The following WDR26 variants were observed in gnomAD, a reference collection of about 807,000 sequenced individuals.
The protein encoded by WDR26 is WD repeat domain 26.
A neutral mutation model predicts 84.1 loss-of-function variants in WDR26; 5 were observed. The observed-to-expected ratio is 0.06, with a 90% confidence interval of 0.03 to 0.13. The LOEUF (loss-of-function observed/expected upper bound fraction) is 0.13, where lower values mean the gene tolerates loss of function less well. Among genes scored for constraint, WDR26 ranks in the 10% least tolerant of loss-of-function variants. The pLI is 1.00. For missense variants in WDR26, 642 were observed against 974.9 expected (o/e 0.66, Z 4.55); for synonymous variants, 415 against 389.6 (o/e 1.07, Z -0.77).
chr1:224,416,351 C>T (rs962936823), intron 6 of WDR26, among the ~76,000 whole-genome samples: 1 of 152,046 alleles, frequency 6.6e-6, no homozygotes, highest in African/African-American at 2.4e-5. Context: ...CCTCAGCCTC[C>T]CGAGTAGCTG....
At chr1:224,394,168 T>C (rs1345415999) in intron 12 of WDR26, among the ~76,000 whole-genome samples, 155 bp from the exon 13 acceptor site, 1 of 152,170 alleles carries the variant, frequency 6.6e-6, no homozygotes, top group African/African-American at 2.4e-5. Context: ...TATGAAAAAA[T>C]GTTTAAATCA....
Position 224,389,440 on chromosome 1 carries a change from T to G in WDR26, c.*395A>C. On this transcript the variant is annotated 3_prime_UTR_variant, in exon 14 of 14. Coordinates refer to ENST00000414423, the MANE Select transcript of WDR26 (RefSeq NM_001379403.1). ...CTAATGCACTCTTTCTATCAAGCCT[T>G]CTAAACTGTTAAATAAAGTTTTCCA... is the stretch of plus-strand genomic sequence containing the variant. The G allele has an allele frequency of 2.2e-6, 1 of 453,202 alleles. No homozygotes were observed. Among genetic ancestry groups the G allele is most frequent in the Non-Finnish European group, 3.8e-6 (1 of 260,942 alleles). The allele number at this position is 453,202 out of a possible 1,614,324, so 28.1% of individuals were successfully genotyped here.
intron 5 of WDR26, 136 bp from the exon 6 acceptor site, chr1:224,418,552 T>C: frequency 1.4e-6 from 1 of 737,190 alleles, no homozygotes. Flanking sequence ...TTCTGCGTTA[T>C]GCGATACGTG....
chr1:224,399,095 GAACCA>G (rs2102891706), intron 9 of WDR26, 61 bp from the exon 10 acceptor site: 2 of 1,384,642 alleles, frequency 1.4e-6, no homozygotes, highest in East Asian at 5.4e-5. Context: ...AGCAAATAAA[GAACCA>G]AAAGACTCCC....
At chr1:224,397,819 A>G in intron 12 of WDR26, 1 of 350,676 alleles carries the variant, frequency 2.9e-6, no homozygotes. Flanking sequence ...ACACACTGCT[A>G]CGTGGTCAGA....
intron 13 of WDR26, among the ~76,000 whole-genome samples, chr1:224,391,363 C>CAAAA (rs869213487): frequency 2.2e-5 from 2 of 89,122 alleles, no homozygotes; most frequent in East Asian, 3.3e-4. Flanking sequence ...AACTCTGTCT[C>CAAAA]AAAAAAAAAA....
intron 8 of WDR26, among the ~76,000 whole-genome samples, chr1:224,403,374 A>C (rs977862764): frequency 6.6e-6 from 1 of 152,226 alleles, no homozygotes; most frequent in African/African-American, 2.4e-5. Flanking sequence ...CTATGCATGT[A>C]TGTACAAACA....
At chr1:224,429,776 C>T (rs1350100490) in intron 3 of WDR26, 2 of 152,184 alleles carry the variant, frequency 1.3e-5, no homozygotes, top group African/African-American at 2.4e-5. Flanking sequence ...TCTATAACTA[C>T]CTTTCTTCAG....
Position 224,434,474 on chromosome 1 carries a change from GGCCGGGGA to G in WDR26, c.-77_-70del. On this transcript the variant is annotated 5_prime_UTR_variant, in exon 1 of 14. Transcript: ENST00000414423. ...CCGGGGAGAGGGTCGGGGTGAGGGG[GGCCGGGGA>G]GGCGGGGAGGGGGTCAGGGTAGGAG... 1 of 428,258 alleles carries G rather than the reference GGCCGGGGA, an allele frequency of 2.3e-6. No individual in the cohort carries two copies. Among genetic ancestry groups the G allele is most frequent in the Non-Finnish European group, 3.0e-6 (1 of 332,384 alleles). The allele number at this position is 428,258 out of a possible 1,614,324, so 26.5% of individuals were successfully genotyped here.
At position 224,431,575 on chromosome 1, in the gene WDR26, T is replaced by G. The variant is rs1382884065; in HGVS notation, c.829A>C (p.Asn277His). The G allele has an allele frequency of 6.2e-7, 1 of 1,613,076 alleles. No individual in the cohort carries two copies. Among genetic ancestry groups the G allele is most frequent in the Non-Finnish European group, 8.5e-7 (1 of 1,179,446 alleles). ...AAAGGCTTTAGTTCATTCAGGTCAT[T>G]TTCTGCCTGTAAAAATTGGTATAAA... The change falls in exon 3 of 14, where the codon AAT (asparagine) becomes CAT (histidine). Residue 277 changes from asparagine to histidine, a missense_variant. Physicochemically the swap from Asn to His is moderately conservative, Grantham distance 68. Coordinates refer to ENST00000414423, the MANE Select transcript of WDR26 (RefSeq NM_001379403.1).
At chr1:224,403,755 G>C (rs914559504) in intron 8 of WDR26, among the ~76,000 whole-genome samples, 2 of 152,320 alleles carry the variant, frequency 1.3e-5, no homozygotes, top group African/African-American at 4.8e-5. Flanking sequence ...TGGCCAACAT[G>C]ATGAAACCTC....
intron 4 of WDR26, among the ~76,000 whole-genome samples, chr1:224,424,074 G>A (rs1317742958): frequency 2.0e-5 from 3 of 152,104 alleles, no homozygotes; most frequent in Non-Finnish European, 4.4e-5. Flanking sequence ...AAGGACTGAT[G>A]TTGATGTGAG....
chr1:224,396,089 G>T (rs941295564), intron 12 of WDR26, among the ~76,000 whole-genome samples: 1 of 152,166 alleles, frequency 6.6e-6, no homozygotes, highest in Non-Finnish European at 1.5e-5. Context: ...CGCTATATCT[G>T]ATTGATGTTC....
At chr1:224,402,431 A>C in intron 8 of WDR26, among the ~76,000 whole-genome samples, 1 of 152,188 alleles carries the variant, frequency 6.6e-6, no homozygotes, top group Non-Finnish European at 1.5e-5. Context: ...GTCTTCTCTT[A>C]TTATGCTCTA....
Position 224,385,328 on chromosome 1 carries a change from A to T in WDR26, c.*4507T>A, listed in dbSNP as rs1252591056. 2 of 152,234 alleles carry T rather than the reference A, an allele frequency of 1.3e-5. No individual in the cohort carries two copies. The highest frequency in any genetic ancestry group is 4.8e-5 in the African/African-American group (2 of 41,436). The allele number at this position is 152,234 out of a possible 1,614,324, so 9.4% of individuals were successfully genotyped here. A position where few individuals can be genotyped will look rare whatever the true frequency, so the allele number is the denominator to read the frequency against. ...TTAATACATTACACATTTATAAAAT[A>T]AAAGTCAACAAAGGGTGTTTTGTAA... On this transcript the variant is annotated 3_prime_UTR_variant, in exon 14 of 14. Coordinates refer to ENST00000414423, the MANE Select transcript of WDR26 (RefSeq NM_001379403.1).
At chr1:224,411,397 T>G in intron 7 of WDR26, 30 bp downstream of exon 7, 2 of 1,567,492 alleles carry the variant, frequency 1.3e-6, no homozygotes, top group Non-Finnish European at 1.7e-6. Flanking sequence ...TCCCCTTTTG[T>G]AATATAAACA....
chr1:224,391,110 A>C (rs1229673104), intron 13 of WDR26, among the ~76,000 whole-genome samples: 2 of 151,906 alleles, frequency 1.3e-5, no homozygotes, highest in Non-Finnish European at 2.9e-5. Flanking sequence ...CATGCCTGTA[A>C]TCCCAGTACT....
intron 7 of WDR26, among the ~76,000 whole-genome samples, chr1:224,407,988 C>T (rs1406209925): frequency 6.6e-6 from 1 of 152,120 alleles, no homozygotes; most frequent in East Asian, 1.9e-4. Flanking sequence ...TCTGCATTTC[C>T]CAAGCTAATC....
At chr1:224,394,058 C>T (rs1298101431) in intron 12 of WDR26, 45 bp from the exon 13 acceptor site, 1 of 1,355,206 alleles carries the variant, frequency 7.4e-7, no homozygotes, top group Admixed American at 2.4e-5. Flanking sequence ...TTAATAAAAC[C>T]AACTAACTGA....
Sources: allele counts gnomAD v4.1 joint callset (sites outside exome capture counted in the v4.1 genomes callset), GRCh38; gene constraint gnomAD v4.1.1; transcripts MANE v1.5; gene names NCBI Gene and HGNC (gene_info 2026-07-23, HGNC 2026-07-21).